The following EYS variants were observed in gnomAD, a reference collection of about 807,000 sequenced individuals.
EYS encodes EGF-like photoreceptor maintenance factor.
A neutral mutation model predicts 282.1 loss-of-function variants in EYS; 250 were observed. The observed-to-expected ratio is 0.89, with a 90% CI of 0.80 to 0.98. The LOEUF is 0.98. Among genes scored for constraint, EYS ranks in the 50% least tolerant of loss-of-function variants. The pLI is 0.00. For missense variants in EYS, 4,016 were observed against 3,709.0 expected, an observed-to-expected ratio of 1.08 and a Z score of -2.15; for synonymous variants, 1,355 against 1,282.9, an observed-to-expected ratio of 1.06 and a Z score of -1.20.
At chr6:64,967,039 A>G (rs1770117887) in intron 14 of EYS, among the ~76,000 whole-genome samples, 1 of 152,200 alleles carries the variant, frequency 6.6e-6, no homozygotes, top group Admixed American at 6.5e-5. Flanking sequence ...TCTACTAATT[A>G]CATGAAATTA....
chr6:64,781,305 G>T (rs1281107062), intron 22 of EYS, among the ~76,000 whole-genome samples: 1 of 152,098 alleles, frequency 6.6e-6, no homozygotes, highest in African/African-American at 2.4e-5. Context: ...TGGGGATAGG[G>T]ACTAAGGCAT....
chr6:65,255,462 A>G (rs1198221660), intron 12 of EYS, among the ~76,000 whole-genome samples: 1 of 151,982 alleles, frequency 6.6e-6, no homozygotes, highest in Non-Finnish European at 1.5e-5. Flanking sequence ...GCAAAGATTT[A>G]TTGAGTATTA....
chr6:64,380,898 C>T (rs923239897), intron 29 of EYS, among the ~76,000 whole-genome samples: 5 of 151,824 alleles, frequency 3.3e-5, no homozygotes, highest in African/African-American at 1.2e-4. Flanking sequence ...ACCTGTAATC[C>T]CAGCCACTCA....
chr6:65,403,542 T>G (rs1426226583), intron 6 of EYS, among the ~76,000 whole-genome samples: 1 of 151,980 alleles, frequency 6.6e-6, no homozygotes, highest in Admixed American at 6.6e-5. Flanking sequence ...CAAAATTTAT[T>G]TAATTTAACC....
intron 29 of EYS, among the ~76,000 whole-genome samples, chr6:64,334,035 C>A (rs1254813121): frequency 6.6e-6 from 1 of 152,178 alleles, no homozygotes; most frequent in Admixed American, 6.5e-5. Flanking sequence ...TATCGCCTGA[C>A]AAGGCCTTTC....
At chr6:63,857,966 T>C (rs1399007010) in intron 36 of EYS, among the ~76,000 whole-genome samples, 4 of 152,092 alleles carry the variant, frequency 2.6e-5, no homozygotes, top group Non-Finnish European at 1.5e-5. Context: ...TAGCATTAAA[T>C]GTTCACCTAA....
chr6:64,831,056 A>G (rs549573657), intron 19 of EYS, among the ~76,000 whole-genome samples: 2 of 152,034 alleles, frequency 1.3e-5, no homozygotes, highest in South Asian at 4.1e-4. Flanking sequence ...TTATAACTAC[A>G]TCTTAGCTCA....
At chr6:64,152,358 G>A (rs1774772049) in intron 31 of EYS, among the ~76,000 whole-genome samples, 1 of 152,182 alleles carries the variant, frequency 6.6e-6, no homozygotes, top group African/African-American at 2.4e-5. Flanking sequence ...ATAGCAAAGA[G>A]AGACTCAAGC....
chr6:65,064,290 T>C (rs985264969), intron 12 of EYS, among the ~76,000 whole-genome samples: 2 of 143,072 alleles, frequency 1.4e-5, no homozygotes. Flanking sequence ...TCATATAGTA[T>C]ACTATTCTTC....
chr6:64,489,466 T>C (rs1011950664), intron 26 of EYS, among the ~76,000 whole-genome samples: 1 of 149,006 alleles, frequency 6.7e-6, no homozygotes, highest in Non-Finnish European at 1.5e-5. Flanking sequence ...TTATTCAAAA[T>C]AGAAAAAAGT....
chr6:63,758,982 G>C (rs879665923), intron 41 of EYS, among the ~76,000 whole-genome samples: 1 of 151,972 alleles, frequency 6.6e-6, no homozygotes, highest in African/African-American at 2.4e-5. Context: ...TTCCTAGAAC[G>C]GGGGGCAGGG....
intron 36 of EYS, among the ~76,000 whole-genome samples, chr6:63,819,665 A>G (rs1216415268): frequency 6.6e-6 from 1 of 152,184 alleles, no homozygotes; most frequent in Non-Finnish European, 1.5e-5. Flanking sequence ...TAAATTTCAT[A>G]AGTTCAGTAT....
chr6:65,615,018 G>A (rs1766135376), intron 2 of EYS, among the ~76,000 whole-genome samples: 1 of 152,100 alleles, frequency 6.6e-6, no homozygotes, highest in Non-Finnish European at 1.5e-5. Context: ...CTGCTACACT[G>A]TGCAGAATCA....
At chr6:64,643,115 C>CCG (rs1554188080) in intron 22 of EYS, among the ~76,000 whole-genome samples, 9 of 102,570 alleles carry the variant, frequency 8.8e-5, no homozygotes, top group Non-Finnish European at 1.8e-4. Context: ...AACTCCATCC[C>CCG]CCCCCCCAAA....
At chr6:65,387,125 G>T (rs943994078) in intron 7 of EYS, among the ~76,000 whole-genome samples, 16 of 151,858 alleles carry the variant, frequency 1.1e-4, no homozygotes, top group African/African-American at 3.4e-4. Context: ...TCTATTATTA[G>T]GTTTCCTTTT....
At chr6:65,047,104 T>A (rs1395862548) in intron 13 of EYS, among the ~76,000 whole-genome samples, 1 of 151,818 alleles carries the variant, frequency 6.6e-6, no homozygotes, top group African/African-American at 2.4e-5. Flanking sequence ...CCTCTTTTTT[T>A]TTTTTTATAA....
chr6:64,759,691 T>A (rs1773095290), intron 22 of EYS, among the ~76,000 whole-genome samples: 1 of 152,150 alleles, frequency 6.6e-6, no homozygotes, highest in African/African-American at 2.4e-5. Context: ...AATCATCTAA[T>A]AATCCACAAA....
At chr6:65,439,691 A>T (rs537631685) in intron 5 of EYS, among the ~76,000 whole-genome samples, 1 of 152,190 alleles carries the variant, frequency 6.6e-6, no homozygotes, top group South Asian at 2.1e-4. Context: ...ACTTTTGCAC[A>T]TTGATTTTGT....
At chr6:64,856,452 C>T (rs1342206191) in intron 19 of EYS, among the ~76,000 whole-genome samples, 2 of 152,052 alleles carry the variant, frequency 1.3e-5, no homozygotes, top group Non-Finnish European at 2.9e-5. Flanking sequence ...AGGCGCTTGC[C>T]ACCATGCCTG....
Sources: allele counts gnomAD v4.1 joint callset (sites outside exome capture counted in the v4.1 genomes callset), GRCh38; gene constraint gnomAD v4.1.1; transcripts MANE v1.5; gene names NCBI Gene and HGNC (gene_info 2026-07-23, HGNC 2026-07-21).